The following REEP2 variants were observed in gnomAD, a reference collection of about 807,000 sequenced individuals.
REEP2 encodes receptor expression-enhancing protein 2.
In REEP2, 9 loss-of-function variants were observed where a neutral mutation model predicts 32.1. The ratio of observed to expected loss-of-function variants is 0.28; its 90% CI spans 0.17 to 0.49. The LOEUF is 0.49. Among genes scored for constraint, REEP2 ranks in the 20% least tolerant of loss-of-function variants. REEP2 has a pLI of 0.99. For synonymous variants in REEP2, 128 were observed against 139.1 expected, an observed-to-expected ratio of 0.92 and a Z score of 0.56; for missense variants, 236 against 338.0, an observed-to-expected ratio of 0.70 and a Z score of 2.37.
rs1227512879 is a variant in REEP2, at chr5:138,446,568, G to A, written c.*817G>A. The A allele has an allele frequency of 6.6e-6, 1 of 152,644 alleles. No individual in the cohort carries two copies. Among genetic ancestry groups the A allele is most frequent in the Non-Finnish European group, 1.5e-5 (1 of 68,490 alleles). The allele number at this position is 152,644 out of a possible 1,614,324, so 9.5% of individuals were successfully genotyped here. A position where few individuals can be genotyped will look rare whatever the true frequency, so the allele number is the denominator to read the frequency against. On this transcript the variant is annotated 3_prime_UTR_variant, in exon 8 of 8. Coordinates refer to ENST00000378339, the MANE Select transcript of REEP2 (RefSeq NM_001271803.2). ...AGCCCATGAGAGAACGGGGATCTGG[G>A]GGGCCTCTCACCTGCTCCTATGACC... is the stretch of plus-strand genomic sequence containing the variant.
Position 138,441,316 on chromosome 5 carries a change from A to G in REEP2, c.106-69A>G. The G allele has an allele frequency of 1.4e-6, 2 of 1,433,906 alleles. No individual in the cohort carries two copies. The highest frequency in any genetic ancestry group is 2.0e-6 in the Non-Finnish European group (2 of 1,015,888). The allele number at this position is 1,433,906 out of a possible 1,614,324, so 88.8% of individuals were successfully genotyped here. A position where few individuals can be genotyped will look rare whatever the true frequency, so the allele number is the denominator to read the frequency against. On this transcript the variant is annotated intron_variant, in intron 2 of 7. Transcript: ENST00000378339. The surrounding 1 kb of genome is among the most constrained non-coding windows in gnomAD (Gnocchi z 4.4). Reference sequence around the variant, plus strand: ...CAGCCCAGGCATGTTCAACAGGCAGAGCTGGGGTCCTGGGTGTCCCTGGCC... The same window carrying G: ...CAGCCCAGGCATGTTCAACAGGCAGGGCTGGGGTCCTGGGTGTCCCTGGCC...
rs868451673 is a variant in REEP2, at chr5:138,440,794, G to A, written c.33-222G>A. 6.9e-5 allele frequency: 58 copies of A among 836,964 alleles called. No individual in the cohort carries two copies. Among genetic ancestry groups the A allele is most frequent in the African/African-American group, 1.5e-4 (9 of 58,202 alleles). 51.8% of individuals were successfully genotyped at this position (836,964 alleles called of 1,614,324 possible). A position where few individuals can be genotyped will look rare whatever the true frequency, so the allele number is the denominator to read the frequency against. On this transcript the variant is annotated intron_variant, in intron 1 of 7. Coordinates refer to ENST00000378339, the MANE Select transcript of REEP2 (RefSeq NM_001271803.2). ...GGCCTCTGGGCCTTTCCCTGCCTCCGGGGCTAGAGAAAAACTGAACAGTGG... is the reference window on the plus strand; with the variant it reads ...GGCCTCTGGGCCTTTCCCTGCCTCCAGGGCTAGAGAAAAACTGAACAGTGG...
Position 138,441,876 on chromosome 5 carries a change from G to A in REEP2, c.182+415G>A, listed in dbSNP as rs563097920. 2.0e-5 allele frequency among the ~76,000 whole-genome samples: 3 copies of A among 152,120 alleles called. No individual in the cohort carries two copies. The highest frequency in any genetic ancestry group is 1.9e-4 in the East Asian group (1 of 5,166). On this transcript the variant is annotated intron_variant, in intron 3 of 7. Transcript: ENST00000378339. The surrounding 1 kb of genome is among the most constrained non-coding windows in gnomAD (Gnocchi z 4.4). ...CAGGAGGTAGAGGTTGCAGTGAGCC[G>A]AGATCGCGCCATTGCACTCCAGCCT...
intron 1 of REEP2, chr5:138,439,712 T>C (rs1763786628): frequency 8.8e-6 from 4 of 456,934 alleles, no homozygotes; most frequent in African/African-American, 4.0e-5. Context: ...CCCCTTGGTC[T>C]CTCCCTTCCA....
chr5:138,441,123 A>G lies in REEP2; in HGVS notation c.105+35A>G, dbSNP rs767392059. The stretch of plus-strand genomic sequence containing the variant: ...TGACCCTTCACCCCCTACCCAACCC[A>G]CATGGCACAGAGAGGGGAGGGCACT... On this transcript the variant is annotated intron_variant, in intron 2 of 7. Transcript: ENST00000378339. The surrounding 1 kb of genome is among the most constrained non-coding windows in gnomAD (Gnocchi z 4.4). 4 of 1,612,722 alleles carry G rather than the reference A, an allele frequency of 2.5e-6. No individual in the cohort carries two copies. Among genetic ancestry groups the G allele is most frequent in the Non-Finnish European group, 3.4e-6 (4 of 1,179,484 alleles).
At chr5:138,444,901 C>G in intron 5 of REEP2, 34 bp downstream of exon 5, 1 of 1,528,390 alleles carries the variant, frequency 6.5e-7, no homozygotes, top group Non-Finnish European at 9.0e-7. Flanking sequence ...TCCCAGGGCC[C>G]CTACCTTGTA....
chr5:138,443,510 AAAAAC>A (rs1339872155), intron 3 of REEP2: 1 of 150,724 alleles, frequency 6.6e-6, no homozygotes. Flanking sequence ...TGGTGAGGTG[AAAAAC>A]AAAACTGAGG....
chr5:138,445,125 T>C, intron 5 of REEP2, 103 bp from the exon 6 acceptor site: 1 of 1,294,138 alleles, frequency 7.7e-7, no homozygotes, highest in Non-Finnish European at 1.1e-6. Flanking sequence ...GAGGACAGTG[T>C]GGGGAGGGCA....
intron 1 of REEP2, among the ~76,000 whole-genome samples, chr5:138,440,493 C>T (rs1449311375): frequency 2.0e-5 from 3 of 152,296 alleles, no homozygotes; most frequent in Middle Eastern, 3.4e-3. Flanking sequence ...AGCCTCTTTG[C>T]CTCTCTCAGG....
At chr5:138,444,709 T>A (rs772708544) in intron 4 of REEP2, 45 bp from the exon 5 acceptor site, 2 of 1,588,838 alleles carry the variant, frequency 1.3e-6, no homozygotes, top group South Asian at 2.2e-5. Context: ...TGAACAAGGG[T>A]AGGGCAGGAC....
Position 138,439,254 on chromosome 5 carries a change from CGGCG to C in REEP2, c.32+17_32+20del. ...TCGCCTGGTGGTGTGAGTGCGGCGG[CGGCG>C]GGGGGTGATGCGGGCTGTGATGGAG... On this transcript the variant is annotated intron_variant, in intron 1 of 7. Transcript: ENST00000378339. 7.1e-7 allele frequency: 1 copy of C among 1,417,244 alleles called. No individual in the cohort carries two copies. The highest frequency in any genetic ancestry group is 9.2e-7 in the Non-Finnish European group (1 of 1,086,540). 87.8% of individuals were successfully genotyped at this position (1,417,244 alleles called of 1,614,324 possible). A position where few individuals can be genotyped will look rare whatever the true frequency, so the allele number is the denominator to read the frequency against.
Position 138,446,958 on chromosome 5 carries a change from G to A in REEP2, c.*1207G>A, listed in dbSNP as rs1281135865. On this transcript the variant is annotated 3_prime_UTR_variant, in exon 8 of 8. Coordinates refer to ENST00000378339, the MANE Select transcript of REEP2 (RefSeq NM_001271803.2). The stretch of plus-strand genomic sequence containing the variant: ...GGATGAGCCAATAAACCAAACTCTG[G>A]CACCTCATTTATTTTGGCCTCTGTG... 6.6e-6 allele frequency: 1 copy of A among 152,202 alleles called. No individual in the cohort carries two copies. The highest frequency in any genetic ancestry group is 1.5e-5 in the Non-Finnish European group (1 of 68,050). The allele number at this position is 152,202 out of a possible 1,614,324, so 9.4% of individuals were successfully genotyped here. A position where few individuals can be genotyped will look rare whatever the true frequency, so the allele number is the denominator to read the frequency against.
At chr5:138,440,824 G>A in intron 1 of REEP2, 192 bp from the exon 2 acceptor site, 1 of 1,081,684 alleles carries the variant, frequency 9.2e-7, no homozygotes, top group Non-Finnish European at 1.3e-6. Flanking sequence ...CAGTGGAGCG[G>A]GGAGGGGGCA....
At chr5:138,443,687 A>G (rs1763870221) in intron 3 of REEP2, 1 of 151,796 alleles carries the variant, frequency 6.6e-6, no homozygotes, top group African/African-American at 2.4e-5. Context: ...GACCACAGGC[A>G]CACGCCACCA....
chr5:138,444,287 C>A (rs752561704), intron 3 of REEP2, 128 bp from the exon 4 acceptor site: 75 of 1,098,094 alleles, frequency 6.8e-5, no homozygotes, highest in Non-Finnish European at 9.7e-5. Context: ...GTCCCATGAG[C>A]CCCATGGGGA....
At chr5:138,444,341 G>A in intron 3 of REEP2, 74 bp from the exon 4 acceptor site, 1 of 1,557,868 alleles carries the variant, frequency 6.4e-7, no homozygotes, top group Non-Finnish European at 8.7e-7. Context: ...GTCACACATG[G>A]GGCCGGTGCT....
chr5:138,444,078 A>G (rs1763877377), intron 3 of REEP2, among the ~76,000 whole-genome samples: 1 of 152,076 alleles, frequency 6.6e-6, no homozygotes, highest in Non-Finnish European at 1.5e-5. Flanking sequence ...GTAGGCCTGC[A>G]CAGTCAAGAG....
At position 138,445,275 on chromosome 5, in the gene REEP2, C is replaced by T. The variant is rs746679799; in HGVS notation, c.465C>T (p.Asp155=). Residue 155 remains aspartate, a synonymous_variant, in exon 6 of 8, where the codon GAC becomes GAT. Coordinates refer to ENST00000378339, the MANE Select transcript of REEP2 (RefSeq NM_001271803.2). ...SEKLRSFSMQ[D]LTLIRDEDAL... The stretch of plus-strand genomic sequence containing the variant: ...AGCTCCGCAGCTTCAGCATGCAGGA[C>T]CTGACCCTGATCCGGGACGAGGACG... The T allele has an allele frequency of 2.5e-6, 4 of 1,613,488 alleles. No individual in the cohort carries two copies. The Admixed American group carries it at 6.7e-5, about 27-fold the overall frequency.
Position 138,439,257 on chromosome 5 carries a change from CG to C in REEP2, c.32+23del. ...CCTGGTGGTGTGAGTGCGGCGGCGGCGGGGGGTGATGCGGGCTGTGATGGAG... is the reference window on the plus strand; with the variant it reads ...CCTGGTGGTGTGAGTGCGGCGGCGGCGGGGGTGATGCGGGCTGTGATGGAG... On this transcript the variant is annotated intron_variant, in intron 1 of 7. Coordinates refer to ENST00000378339, the MANE Select transcript of REEP2 (RefSeq NM_001271803.2). 38 of 1,415,858 alleles carry C rather than the reference CG, an allele frequency of 2.7e-5. No individual in the cohort carries two copies. The highest frequency in any genetic ancestry group is 1.2e-4 in the South Asian group (7 of 56,864). The allele number at this position is 1,415,858 out of a possible 1,614,324, so 87.7% of individuals were successfully genotyped here.
Sources: gnomAD v4.1 joint callset for allele counts (sites outside exome capture counted in the v4.1 genomes callset) on GRCh38, gnomAD v4.1.1 for gene constraint, Gnocchi (gnomAD v3.1) non-coding constraint, MANE v1.5 for transcripts, NCBI Gene and HGNC (gene_info 2026-07-23, HGNC 2026-07-21) for gene names.